Variants in GABRA3 observed in about 807,000 individuals in gnomAD.
GABRA3 encodes the protein gamma-aminobutyric acid type A receptor subunit alpha3.
A neutral mutation model predicts 30.1 loss-of-function variants in GABRA3; 10 were observed. That is an observed-to-expected ratio of 0.33 (90% CI 0.20 to 0.56). The LOEUF (loss-of-function observed/expected upper bound fraction) is 0.56. Among genes scored for constraint, GABRA3 ranks in the 20% least tolerant of loss-of-function variants. The pLI is 0.89. For missense variants in GABRA3, 233 were observed against 392.0 expected, an observed-to-expected ratio of 0.59 and a Z score of 3.42; for synonymous variants, 151 against 146.8, an observed-to-expected ratio of 1.03 and a Z score of -0.21.
At position 152,222,703 on chromosome X, in the gene GABRA3, T is replaced by C. The variant is rs188062506; in HGVS notation, c.634+2060A>G. Among the ~76,000 whole-genome samples the C allele has an allele frequency of 8.1e-5, 9 of 110,781 alleles. No homozygotes were observed. The East Asian group carries it at 2.6e-3, about 32-fold the overall frequency. On this transcript the variant is annotated intron_variant, in intron 6 of 9. Coordinates refer to ENST00000370314, the MANE Select transcript of GABRA3 (RefSeq NM_000808.4). ...TATCTTTTCCACCGTAGAGTCTTCA[T>C]TATTTACTTTGCTATACAGAAAGTA...
chrX:152,438,590 A>T (rs932865566), intron 1 of GABRA3, among the ~76,000 whole-genome samples: 5 of 112,443 alleles, frequency 4.4e-5, no homozygotes, highest in African/African-American at 1.6e-4. Flanking sequence ...GGATAAACAA[A>T]CTGTGGTACA....
intron 6 of GABRA3, among the ~76,000 whole-genome samples, chrX:152,221,661 C>T (rs1263190825): frequency 2.7e-5 from 3 of 111,533 alleles, no homozygotes; most frequent in African/African-American, 9.8e-5. Context: ...TTAATTATTG[C>T]TTTTGCTCCT....
At chrX:152,373,052 A>C (rs1603249930) in intron 1 of GABRA3, among the ~76,000 whole-genome samples, 1 of 111,796 alleles carries the variant, frequency 8.9e-6, no homozygotes, top group East Asian at 2.8e-4. Context: ...TGCCTCCTTG[A>C]AGCCTCCCGA....
chrX:152,244,432 C>T (rs1032695796), intron 5 of GABRA3, among the ~76,000 whole-genome samples: 8 of 111,695 alleles, frequency 7.2e-5, no homozygotes, highest in African/African-American at 2.6e-4. Context: ...ATAAAAGTGA[C>T]CTAAAGGAAA....
At chrX:152,236,444 G>A (rs1428786748) in intron 5 of GABRA3, among the ~76,000 whole-genome samples, 5 of 68,861 alleles carry the variant, frequency 7.3e-5, no homozygotes, top group East Asian at 9.4e-4. Flanking sequence ...GAATAATGCC[G>A]CAATAAACAT....
intron 3 of GABRA3, among the ~76,000 whole-genome samples, chrX:152,285,279 CT>C (rs1271934005): frequency 8.9e-6 from 1 of 112,190 alleles, no homozygotes; most frequent in Non-Finnish European, 1.9e-5. Flanking sequence ...TTGAAAAAGT[CT>C]GGAATGATGA....
At chrX:152,217,867 C>T (rs896084226) in intron 6 of GABRA3, among the ~76,000 whole-genome samples, 5 of 109,940 alleles carry the variant, frequency 4.5e-5, no homozygotes, top group African/African-American at 1.3e-4. Flanking sequence ...TTATTTGCTT[C>T]GTCTGTCTGG....
chrX:152,254,547 C>G (rs1406895186), intron 5 of GABRA3, among the ~76,000 whole-genome samples: 1 of 110,572 alleles, frequency 9.0e-6, no homozygotes, highest in Non-Finnish European at 1.9e-5. Context: ...ATTTTATCCT[C>G]CACTCTATGC....
chrX:152,241,083 A>G (rs1309865077), intron 5 of GABRA3, among the ~76,000 whole-genome samples: 3 of 109,093 alleles, frequency 2.7e-5, no homozygotes, highest in Non-Finnish European at 5.7e-5. Context: ...TCTGCGTTTT[A>G]GAGTTTCCAG....
At chrX:152,229,394 C>T (rs942795772) in intron 5 of GABRA3, among the ~76,000 whole-genome samples, 1 of 110,996 alleles carries the variant, frequency 9.0e-6, no homozygotes, top group African/African-American at 3.3e-5. Context: ...GCACCCTTCT[C>T]CCCCACATAC....
intron 5 of GABRA3, among the ~76,000 whole-genome samples, chrX:152,232,905 G>C (rs1409642132): frequency 9.0e-6 from 1 of 110,719 alleles, no homozygotes; most frequent in Non-Finnish European, 1.9e-5. Flanking sequence ...GTTTTCCATA[G>C]AGGTTATGCT....
At chrX:152,213,750 T>G (rs999710218) in intron 6 of GABRA3, among the ~76,000 whole-genome samples, 12 of 110,188 alleles carry the variant, frequency 1.1e-4, no homozygotes, top group African/African-American at 3.6e-4. Context: ...TCACAAAGAG[T>G]TTTAGTGAAA....
At chrX:152,252,320 C>T (rs917132384) in intron 5 of GABRA3, among the ~76,000 whole-genome samples, 1 of 111,448 alleles carries the variant, frequency 9.0e-6, no homozygotes, top group Non-Finnish European at 1.9e-5. Flanking sequence ...TATTACATCT[C>T]TTTTTATAGC....
chrX:152,168,294 A>G lies in GABRA3; in HGVS notation c.1413T>C (p.Asn471=). The change falls in exon 10 of 10, where the codon AAT becomes AAC. Residue 471 remains asparagine (N), a synonymous_variant. Transcript: ENST00000370314. ...TGACATATGTGGCCCAATAGACCAG[A>G]TTGAATATGGCAAAGAGCACAGGAA... ...IIFPVLFAIF[N]LVYWATYVNR... is the part of the protein sequence containing the mutation. The G allele has an allele frequency of 8.3e-7, 1 of 1,211,524 alleles. No homozygotes were observed. The highest frequency in any genetic ancestry group is 1.1e-6 in the Non-Finnish European group (1 of 895,385).
rs201515359 is a variant in GABRA3, at chrX:152,167,401, G to T, written c.*827C>A. 9.0e-6 allele frequency: 1 copy of T among 111,648 alleles called. No homozygotes were observed. Among genetic ancestry groups the T allele is most frequent in the Non-Finnish European group, 1.9e-5 (1 of 53,145 alleles). 9.2% of individuals were successfully genotyped at this position (111,648 alleles called of 1,213,427 possible). On this transcript the variant is annotated 3_prime_UTR_variant, in exon 10 of 10. Transcript: ENST00000370314. ...ACTTTGTTTCTATTTGCAACTTTTCGATATAAATAAAAAATGCTTGATCAT... is the reference window on the plus strand; with the variant it reads ...ACTTTGTTTCTATTTGCAACTTTTCTATATAAATAAAAAATGCTTGATCAT...
At chrX:152,391,379 A>G (rs1929478285) in intron 1 of GABRA3, among the ~76,000 whole-genome samples, 1 of 111,714 alleles carries the variant, frequency 9.0e-6, no homozygotes. Context: ...ATAAAAGAAA[A>G]CAGACATGAC....
At chrX:152,346,994 A>T (rs964121479) in intron 2 of GABRA3, among the ~76,000 whole-genome samples, 1 of 112,049 alleles carries the variant, frequency 8.9e-6, no homozygotes, top group Non-Finnish European at 1.9e-5. Flanking sequence ...TGCTGGGTAT[A>T]TACCCCAAAG....
chrX:152,410,340 C>T (rs1447128826), intron 1 of GABRA3, among the ~76,000 whole-genome samples: 2 of 110,559 alleles, frequency 1.8e-5, no homozygotes, highest in African/African-American at 6.6e-5. Flanking sequence ...AATAATTTAT[C>T]GTGTATTTTT....
At position 152,255,882 on chromosome X, in the gene GABRA3, C is replaced by T. The variant is rs771451170; in HGVS notation, c.447G>A (p.Pro149=). ...NNLLASKIWT[P]DTFFHNGKKS... ...TCTTGCCATTGTGGAAGAAGGTGTC[C>T]GGTGTCCAGATCTTACTAGCCAGGA... is the stretch of plus-strand genomic sequence containing the variant. The change falls in exon 5 of 10, where the codon CCG becomes CCA. Residue 149 remains proline, a synonymous_variant. Coordinates refer to ENST00000370314, the MANE Select transcript of GABRA3 (RefSeq NM_000808.4). The T allele has an allele frequency of 1.2e-4, 150 of 1,208,461 alleles. No homozygotes were observed. Among genetic ancestry groups the T allele is most frequent in the Admixed American group, 1.5e-4 (7 of 45,653 alleles).
Sources: allele counts gnomAD v4.1 joint callset (sites outside exome capture counted in the v4.1 genomes callset), GRCh38; gene constraint gnomAD v4.1.1; transcripts MANE v1.5; gene names NCBI Gene and HGNC (gene_info 2026-07-23, HGNC 2026-07-21).